MARK4: variants seen among roughly 807,000 people sequenced by gnomAD.
The protein encoded by MARK4 is microtubule affinity regulating kinase 4.
Under a neutral mutation model 81.5 loss-of-function variants are expected in MARK4, and 19 were observed. The ratio of observed to expected loss-of-function variants is 0.23; its 90% confidence interval spans 0.16 to 0.34. The LOEUF (loss-of-function observed/expected upper bound fraction) is 0.34. Ranked by LOEUF, MARK4 falls within the 10% of genes least tolerant of loss-of-function variation. The pLI is 1.00. For missense variants in MARK4, 772 were observed against 1,058.8 expected (o/e 0.73, Z 3.76); for synonymous variants, 436 against 439.0 (o/e 0.99, Z 0.08).
At position 45,302,560 on chromosome 19, in the gene MARK4, G is replaced by A. The variant is rs773666799; in HGVS notation, c.2109G>A (p.Ala703=). Residue 703 remains alanine, a synonymous_variant, in exon 17 of 17, where the codon GCG becomes GCA. Transcript: ENST00000262891. This position sits in a 1 kb window ranked among gnomAD's most constrained non-coding sequence, Gnocchi z 4.9. ...TGCTGGCCTGCCTGCACGGGGGTGC[G>A]GGCGGGCCCGAGCCCCTGTCCCACT... ...PFLLACLHGG[A]GGPEPLSHFE... 2.4e-5 allele frequency: 38 copies of A among 1,582,238 alleles called. No homozygotes were observed. The highest frequency in any genetic ancestry group is 3.1e-5 in the Non-Finnish European group (36 of 1,171,462).
chr19:45,286,833 A>G (rs1385185403), intron 12 of MARK4, among the ~76,000 whole-genome samples: 1 of 152,200 alleles, frequency 6.6e-6, no homozygotes, highest in African/African-American at 2.4e-5. Context: ...ATATAGATAC[A>G]CACTTTTTTG....
At position 45,294,399 on chromosome 19, in the gene MARK4, A is replaced by C; in HGVS notation, c.1545A>C (p.Thr515=). 1 of 1,614,172 alleles carries C rather than the reference A, an allele frequency of 6.2e-7. No homozygotes were observed. Among genetic ancestry groups the C allele is most frequent in the Non-Finnish European group, 8.5e-7 (1 of 1,180,032 alleles). The change falls in exon 14 of 17, where the codon ACA becomes ACC. Residue 515 remains threonine, a synonymous_variant. Coordinates refer to ENST00000262891, the MANE Select transcript of MARK4 (RefSeq NM_001199867.2). The stretch of plus-strand genomic sequence containing the variant: ...CCCGCAGAAACACCTACGTTTGCAC[A>C]GAACGCCCGGGGGCTGAGCGCCCGT... ...MMTRRNTYVC[T]ERPGAERPSL... is the part of the protein sequence containing the mutation.
chr19:45,274,607 G>C (rs1445701781), intron 8 of MARK4, among the ~76,000 whole-genome samples: 1 of 152,176 alleles, frequency 6.6e-6, no homozygotes, highest in African/African-American at 2.4e-5. Context: ...CTCCAGCCTG[G>C]ATGACAGAGC....
intron 10 of MARK4, chr19:45,280,166 T>C (rs529435291): frequency 2.3e-5 from 12 of 512,562 alleles, no homozygotes; most frequent in Non-Finnish European, 3.9e-5. Flanking sequence ...CTGGACAACA[T>C]AGCAAAACCC....
intron 2 of MARK4, chr19:45,262,892 G>A (rs1391020502): frequency 5.8e-6 from 3 of 516,156 alleles, no homozygotes; most frequent in Non-Finnish European, 1.1e-5. Context: ...AGCCTCCAGA[G>A]TAGCTGGGAT....
intron 7 of MARK4, among the ~76,000 whole-genome samples, chr19:45,267,524 C>T (rs780801481): frequency 6.6e-6 from 1 of 152,186 alleles, no homozygotes; most frequent in African/African-American, 2.4e-5. Flanking sequence ...TCTCAGTCCT[C>T]GCGCTCCAAG....
Position 45,287,608 on chromosome 19 carries a change from C to A in MARK4, c.1438C>A (p.His480Asn). ...CTCCAGCCCCATGGTCAGCAGCGCCCACAACCCCAACAAGGCAGAGATCCC... is the reference window on the plus strand; with the variant it reads ...CTCCAGCCCCATGGTCAGCAGCGCCAACAACCCCAACAAGGCAGAGATCCC... ...PPSSPMVSSA[H>N]NPNKAEIPER... is the part of the protein sequence containing the mutation. Residue 480 changes from histidine (H) to asparagine (N), a missense_variant, in exon 13 of 17, where the codon CAC becomes AAC. Physicochemically the swap from His to Asn is moderately conservative, Grantham distance 68. Around this residue, in one of 3 missense-constraint regions of MARK4, gnomAD observed 548 missense variants for 624.3 expected, o/e 0.88. Coordinates refer to ENST00000262891, the MANE Select transcript of MARK4 (RefSeq NM_001199867.2). The A allele has an allele frequency of 1.3e-6, 2 of 1,596,882 alleles. No individual in the cohort carries two copies. Among genetic ancestry groups the A allele is most frequent in the Admixed American group, 1.7e-5 (1 of 58,756 alleles).
intron 16 of MARK4, among the ~76,000 whole-genome samples, chr19:45,301,003 A>C (rs1256850817): frequency 6.6e-6 from 1 of 151,988 alleles, no homozygotes; most frequent in African/African-American, 2.4e-5. Context: ...TTCAGGCGGG[A>C]CGTTTCTTTG....
intron 2 of MARK4, chr19:45,262,886 T>TC (rs879443123): frequency 6.0e-6 from 3 of 503,596 alleles, no homozygotes; most frequent in Non-Finnish European, 1.1e-5. Context: ...CAACTCAGCC[T>TC]CCAGAGTAGC....
At chr19:45,286,934 G>GTGC (rs1294619453) in intron 12 of MARK4, among the ~76,000 whole-genome samples, 1 of 151,996 alleles carries the variant, frequency 6.6e-6, no homozygotes, top group Non-Finnish European at 1.5e-5. Flanking sequence ...TTCTGTACTG[G>GTGC]TGCATAAAGT....
rs1281589164 is a variant in MARK4 at position 45,302,054 on chromosome 19, A to G, written c.1923-320A>G. 6.6e-6 allele frequency among the ~76,000 whole-genome samples: 1 copy of G among 152,106 alleles called. No homozygotes were observed. ...GCTGGCCTGTGCCACTGCTAAGTCC[A>G]GCTCCTGGGAGATGTGGGACAGGAG... On this transcript the variant is annotated intron_variant, in intron 16 of 16. Transcript: ENST00000262891. The surrounding 1 kb of genome is among the most constrained non-coding windows in gnomAD (Gnocchi z 4.9).
At position 45,303,982 on chromosome 19, in the gene MARK4, A is replaced by G. The variant is rs1488789193; in HGVS notation, c.*1272A>G. Reference sequence around the variant, plus strand: ...TTTCAGTGTGGCTGCTGTGTTGGGCATGGATGGAGAATCAGCAAGAGAAAT... The same window carrying G: ...TTTCAGTGTGGCTGCTGTGTTGGGCGTGGATGGAGAATCAGCAAGAGAAAT... On this transcript the variant is annotated 3_prime_UTR_variant, in exon 17 of 17. Coordinates refer to ENST00000262891, the MANE Select transcript of MARK4 (RefSeq NM_001199867.2). The G allele has an allele frequency of 6.6e-6, 1 of 152,288 alleles. No individual in the cohort carries two copies. Among genetic ancestry groups the G allele is most frequent in the African/African-American group, 2.4e-5 (1 of 41,464 alleles). The allele number at this position is 152,288 out of a possible 1,614,324, so 9.4% of individuals were successfully genotyped here.
Position 45,302,699 on chromosome 19 carries a change from C to T in MARK4, c.2248C>T (p.Leu750Phe). The T allele has an allele frequency of 6.5e-7, 1 of 1,536,366 alleles. No individual in the cohort carries two copies. The highest frequency in any genetic ancestry group is 8.7e-7 in the Non-Finnish European group (1 of 1,146,902). ...CCTCGTCACCCGCATCTCCAACGAC[C>T]TCGAGCTCTGAGCCACCACGGTCCC... is the stretch of plus-strand genomic sequence containing the variant. Reference protein sequence around the residue: ...RTLVTRISNDLEL With the variant: ...RTLVTRISNDFEL Residue 750 changes from leucine to phenylalanine, a missense_variant, in exon 17 of 17, where the codon CTC (leucine) becomes TTC (phenylalanine). This residue lies in a region of MARK4 where 548 missense variants were observed against 624.3 expected (regional missense o/e 0.88). Transcript: ENST00000262891. The surrounding 1 kb of genome is among the most constrained non-coding windows in gnomAD (Gnocchi z 4.9).
chr19:45,277,151 C>A (rs1041439905), intron 8 of MARK4, among the ~76,000 whole-genome samples: 3 of 152,144 alleles, frequency 2.0e-5, no homozygotes. Context: ...TCTCAACTCA[C>A]TGCAACCTCC....
intron 13 of MARK4, among the ~76,000 whole-genome samples, chr19:45,293,338 A>C (rs1160302824): frequency 1.3e-5 from 2 of 152,216 alleles, no homozygotes; most frequent in Non-Finnish European, 2.9e-5. Flanking sequence ...GACAGCAAAC[A>C]TGAATCACCA....
Position 45,287,680 on chromosome 19 carries a change from TG to T in MARK4, c.1494+22del, listed in dbSNP as rs1386214850. 7.5e-6 allele frequency: 12 copies of T among 1,602,134 alleles called. No individual in the cohort carries two copies. The Admixed American group carries it at 8.6e-5, about 11-fold the overall frequency. ...GAGCACCCCCGTGAGTGACCAGGGC[TG>T]GGGGGCAGGGCTGGGGGCGCCACCT... On this transcript the variant is annotated intron_variant, in intron 13 of 16. Transcript: ENST00000262891.
intron 8 of MARK4, among the ~76,000 whole-genome samples, chr19:45,274,262 A>G (rs961940995): frequency 1.3e-5 from 2 of 151,930 alleles, no homozygotes; most frequent in African/African-American, 4.8e-5. Context: ...ACAAACAAAC[A>G]AAAAAGATGA....
intron 8 of MARK4, among the ~76,000 whole-genome samples, chr19:45,277,692 G>A (rs925406681): frequency 6.6e-6 from 1 of 151,708 alleles, no homozygotes; most frequent in African/African-American, 2.4e-5. Context: ...TTAAATTGCA[G>A]CGTCCATATG....
rs345406 is a variant in MARK4 at position 45,280,038 on chromosome 19, A to G, written c.1007-336A>G. On this transcript the variant is annotated intron_variant, in intron 10 of 16. Transcript: ENST00000262891. ...CTGGACAGGTCAAAGAGCAGACACC[A>G]GTGAATGACACAGAAATGAGTGGAA... 1.2e-3 allele frequency: 344 copies of G among 298,416 alleles called. 1 individual carries two copies. Among genetic ancestry groups the G allele is most frequent in the African/African-American group, 6.3e-3 (290 of 46,158 alleles). 18.5% of individuals were successfully genotyped at this position (298,416 alleles called of 1,614,324 possible).
Sources: gnomAD v4.1 joint callset for allele counts (sites outside exome capture counted in the v4.1 genomes callset) on GRCh38, gnomAD v4.1.1 for gene constraint, gnomAD v4.1.1 regional missense constraint, Gnocchi (gnomAD v3.1) non-coding constraint, MANE v1.5 for transcripts, NCBI Gene and HGNC (gene_info 2026-07-23, HGNC 2026-07-21) for gene names.